Variants in PLEKHG4B observed in about 807,000 individuals in gnomAD.
PLEKHG4B encodes pleckstrin homology and RhoGEF domain containing G4B, also known as pleckstrin homology domain-containing family G member 4B.
A neutral mutation model predicts 121.3 loss-of-function variants in PLEKHG4B; 111 were observed. The observed-to-expected ratio is 0.92, with a 90% CI of 0.78 to 1.07. The LOEUF (loss-of-function observed/expected upper bound fraction) is 1.07, where lower values mean the gene tolerates loss of function less well. Ranked by LOEUF, PLEKHG4B falls within the 50% of genes least tolerant of loss-of-function variation. The probability of loss-of-function intolerance (pLI) is 0.00; values close to 1 mark genes in which losing one functional copy is unlikely to be tolerated. For synonymous variants in PLEKHG4B, 738 were observed against 725.0 expected (o/e 1.02, Z -0.29); for missense variants, 1,831 against 1,757.8 (o/e 1.04, Z -0.74).
In PLEKHG4B at chr5:140,476, A is replaced by G. The variant is rs143062800; in HGVS notation, c.1237A>G (p.Ser413Gly). The G allele has an allele frequency of 1.7e-3, 2,713 of 1,592,566 alleles. 19 individuals are homozygous for G. The highest frequency in any genetic ancestry group is 5.8e-3 in the Middle Eastern group (35 of 6,036). Residue 413 changes from serine (S) to glycine (G), a missense_variant, in exon 3 of 20, where the codon AGT becomes GGT. Physicochemically the swap from Ser to Gly is moderately conservative, Grantham distance 56. Coordinates refer to ENST00000637938, the MANE Select transcript of PLEKHG4B (RefSeq NM_052909.5). ...CCGGGGAGACCCCCAACAGACCCCA[A>G]GTCTAGAGAAGGAGAGGCACACACC... ...GPRGDPQQTP[S>G]LEKERHTPSR...
At chr5:121,769 A>G (rs1734476335) in intron 2 of PLEKHG4B, among the ~76,000 whole-genome samples, 1 of 152,142 alleles carries the variant, frequency 6.6e-6, no homozygotes, top group Non-Finnish European at 1.5e-5. Context: ...CAGCAAAAAT[A>G]TCTTTCAAAC....
In PLEKHG4B at chr5:154,873, A is replaced by G. The variant is rs771431716; in HGVS notation, c.1993-2A>G. On this transcript the variant is annotated splice_acceptor_variant, in intron 7 of 19. Transcript: ENST00000637938. LOFTEE classifies it high-confidence loss of function. ...TGACCAACGAGTGCCTCTTCTTGGC[A>G]GTGTGAGGTCGTGAGCTCCCTGAAG... is the stretch of plus-strand genomic sequence containing the variant. The G allele has an allele frequency of 1.2e-6, 2 of 1,612,758 alleles. No individual in the cohort carries two copies. Among genetic ancestry groups the G allele is most frequent in the Admixed American group, 3.3e-5 (2 of 60,012 alleles).
At position 163,323 on chromosome 5, in the gene PLEKHG4B, A is replaced by T; in HGVS notation, c.3251A>T (p.Gln1084Leu). The T allele has an allele frequency of 6.2e-7, 1 of 1,613,426 alleles. No individual in the cohort carries two copies. The highest frequency in any genetic ancestry group is 2.2e-5 in the East Asian group (1 of 44,882). Reference sequence around the variant, plus strand: ...CAGAAGAAAATGATAAAGAAAACGCAAAGTTTCGAGATACCTCAGCCCGAC... The same window carrying T: ...CAGAAGAAAATGATAAAGAAAACGCTAAGTTTCGAGATACCTCAGCCCGAC... ...HPQKKMIKKT[Q>L]SFEIPQPDSG... is the part of the protein sequence containing the mutation. Residue 1084 changes from glutamine to leucine, a missense_variant, in exon 13 of 20, where the codon CAA (glutamine) becomes CTA (leucine). Coordinates refer to ENST00000637938, the MANE Select transcript of PLEKHG4B (RefSeq NM_052909.5).
At chr5:170,981 G>T (rs1049553604) in intron 14 of PLEKHG4B, 62 bp from the exon 15 acceptor site, 5 of 1,399,454 alleles carry the variant, frequency 3.6e-6, no homozygotes, top group Middle Eastern at 2.5e-4. Context: ...CCCGGGCTGC[G>T]GGAGCCTGCT....
intron 2 of PLEKHG4B, among the ~76,000 whole-genome samples, chr5:133,594 C>T (rs904777279): frequency 2.0e-5 from 3 of 152,074 alleles, no homozygotes; most frequent in African/African-American, 7.2e-5. Flanking sequence ...ACCACCTTAT[C>T]ATGCAGGAAT....
Position 169,603 on chromosome 5 carries a change from G to A in PLEKHG4B, c.3729+11G>A, listed in dbSNP as rs767583607. 8.1e-6 allele frequency: 13 copies of A among 1,610,720 alleles called. No individual in the cohort carries two copies. Among genetic ancestry groups the A allele is most frequent in the African/African-American group, 2.7e-5 (2 of 74,936 alleles). Reference sequence around the variant, plus strand: ...AGTTTCCTGAGACACGTAAGTGCAGGCCATGGCGTGGGTGCCGGGCAACGT... The same window carrying A: ...AGTTTCCTGAGACACGTAAGTGCAGACCATGGCGTGGGTGCCGGGCAACGT... On this transcript the variant is annotated intron_variant, in intron 14 of 19. Coordinates refer to ENST00000637938, the MANE Select transcript of PLEKHG4B (RefSeq NM_052909.5).
In PLEKHG4B at chr5:162,775, G is replaced by A. The variant is rs775933316; in HGVS notation, c.2703G>A (p.Val901=). The stretch of plus-strand genomic sequence containing the variant: ...CGGAGGCTTGTCCCTCCTCACCCGT[G>A]GCTGAGTGTTTGAGGAGCTGTCACC... ...LDPEACPSSP[V]AECLRSCHQE... Residue 901 remains valine, a synonymous_variant, in exon 13 of 20, where the codon GTG becomes GTA. Coordinates refer to ENST00000637938, the MANE Select transcript of PLEKHG4B (RefSeq NM_052909.5). 1 of 1,482,968 alleles carries A rather than the reference G, an allele frequency of 6.7e-7. No individual in the cohort carries two copies. Among genetic ancestry groups the A allele is most frequent in the South Asian group, 1.4e-5 (1 of 70,010 alleles). 91.9% of individuals were successfully genotyped at this position (1,482,968 alleles called of 1,614,324 possible).
intron 2 of PLEKHG4B, among the ~76,000 whole-genome samples, chr5:119,985 C>G (rs918455789): frequency 6.6e-6 from 1 of 152,198 alleles, no homozygotes; most frequent in Non-Finnish European, 1.5e-5. Context: ...GGCATTATCA[C>G]GCCTGTAATC....
At chr5:161,491 A>G (rs974607300) in intron 11 of PLEKHG4B, among the ~76,000 whole-genome samples, 1 of 152,238 alleles carries the variant, frequency 6.6e-6, no homozygotes, top group Non-Finnish European at 1.5e-5. Flanking sequence ...TACTCAGGAC[A>G]TGACCAAGAC....
Position 162,982 on chromosome 5 carries a change from T to G in PLEKHG4B, c.2910T>G (p.Leu970=). 1 of 1,567,680 alleles carries G rather than the reference T, an allele frequency of 6.4e-7. No homozygotes were observed. The highest frequency in any genetic ancestry group is 8.6e-7 in the Non-Finnish European group (1 of 1,156,346). The part of the protein sequence containing the change: ...EAAPDPSLPP[L]AQSPPKHERA... ...CCCCAGACCCCAGCTTACCGCCCCT[T>G]GCCCAGAGCCCCCCAAAGCATGAGC... The change falls in exon 13 of 20, where the codon CTT becomes CTG. Residue 970 remains leucine, a synonymous_variant. Coordinates refer to ENST00000637938, the MANE Select transcript of PLEKHG4B (RefSeq NM_052909.5).
intron 7 of PLEKHG4B, among the ~76,000 whole-genome samples, chr5:151,996 A>G (rs975650812): frequency 6.6e-6 from 1 of 152,226 alleles, no homozygotes; most frequent in South Asian, 2.1e-4. Flanking sequence ...TAATTTTAGA[A>G]GAAAAGTTCA....
At chr5:118,593 A>T (rs958690807) in intron 2 of PLEKHG4B, among the ~76,000 whole-genome samples, 2 of 152,210 alleles carry the variant, frequency 1.3e-5, no homozygotes, top group African/African-American at 4.8e-5. Flanking sequence ...AAAGTTCATG[A>T]GGGTTGGAAT....
intron 6 of PLEKHG4B, among the ~76,000 whole-genome samples, chr5:149,910 C>T (rs149743246): frequency 8.5e-5 from 13 of 152,318 alleles, no homozygotes; most frequent in East Asian, 5.8e-4. Flanking sequence ...CCCTTGTGCA[C>T]GGTTGATGGG....
At position 163,396 on chromosome 5, in the gene PLEKHG4B, C is replaced by CT. The variant is rs751356233; in HGVS notation, c.3324_3325insT (p.Lys1109Ter). 1 of 1,613,094 alleles carries CT rather than the reference C, an allele frequency of 6.2e-7. No homozygotes were observed. The highest frequency in any genetic ancestry group is 8.5e-7 in the Non-Finnish European group (1 of 1,180,030). Reference sequence around the variant, plus strand: ...AGCCAGACCATACTAGTGTCTTCAGCAAGGGCCTGGAGGTAACCAGCACTG... The same window carrying CT: ...AGCCAGACCATACTAGTGTCTTCAGCTAAGGGCCTGGAGGTAACCAGCACTG... On this transcript the variant is annotated frameshift_variant, in exon 13 of 20. Transcript: ENST00000637938. LOFTEE classifies it high-confidence loss of function.
intron 7 of PLEKHG4B, among the ~76,000 whole-genome samples, chr5:154,131 G>C (rs534811387): frequency 1.6e-4 from 24 of 152,018 alleles, no homozygotes; most frequent in Non-Finnish European, 3.2e-4. Flanking sequence ...TCAGCCTCCT[G>C]AGTAGCTGGG....
intron 5 of PLEKHG4B, 149 bp from the exon 6 acceptor site, chr5:144,678 C>T (rs1735344502): frequency 1.4e-5 from 9 of 636,944 alleles, no homozygotes; most frequent in South Asian, 1.0e-4. Context: ...CCTGCACCTT[C>T]GGGAAGTGGA....
At chr5:162,070 G>A in intron 12 of PLEKHG4B, 126 bp downstream of exon 12, 4 of 1,259,770 alleles carry the variant, frequency 3.2e-6, no homozygotes, top group Non-Finnish European at 4.2e-6. Flanking sequence ...CACCTGCGAT[G>A]GAGCCCCCCT....
At chr5:126,549 A>G (rs1220632557) in intron 2 of PLEKHG4B, among the ~76,000 whole-genome samples, 2 of 152,180 alleles carry the variant, frequency 1.3e-5, no homozygotes, top group Non-Finnish European at 1.5e-5. Context: ...TTTCCATTGA[A>G]TGGAACATAC....
intron 2 of PLEKHG4B, among the ~76,000 whole-genome samples, chr5:135,430 G>C (rs1191604987): frequency 6.7e-6 from 1 of 150,252 alleles, no homozygotes; most frequent in Non-Finnish European, 1.5e-5. Flanking sequence ...ACTTTGGGAG[G>C]CCGAGGTGGC....
Sources: allele counts gnomAD v4.1 joint callset (sites outside exome capture counted in the v4.1 genomes callset), GRCh38; gene constraint gnomAD v4.1.1; transcripts MANE v1.5; gene names NCBI Gene and HGNC (gene_info 2026-07-23, HGNC 2026-07-21).